SLC4A10: variants seen among roughly 807,000 people sequenced by gnomAD.
SLC4A10 encodes sodium-driven chloride bicarbonate exchanger.
SLC4A10 carries 42 observed loss-of-function variants against 137.7 expected under a neutral mutation model. That is an observed-to-expected ratio of 0.30 (90% confidence interval 0.24 to 0.39). The LOEUF (loss-of-function observed/expected upper bound fraction) is 0.39. SLC4A10 is among the 10% of genes least tolerant of loss of function. SLC4A10 has a pLI of 1.00. For missense variants in SLC4A10, 925 were observed against 1,355.0 expected (o/e 0.68, Z 4.98); for synonymous variants, 474 against 464.1 (o/e 1.02, Z -0.27).
At chr2:161,950,956 A>G (rs1694695643) in intron 19 of SLC4A10, 108 bp downstream of exon 19, 2 of 921,142 alleles carry the variant, frequency 2.2e-6, no homozygotes, top group Non-Finnish European at 3.1e-6. Context: ...AATATATAAA[A>G]TAATGTTTTT....
intron 1 of SLC4A10, among the ~76,000 whole-genome samples, chr2:161,727,995 T>A (rs1029821637): frequency 2.0e-5 from 3 of 152,080 alleles, no homozygotes; most frequent in Non-Finnish European, 4.4e-5. Context: ...GAAAAAGAAC[T>A]GACAAACTTC....
intron 2 of SLC4A10, among the ~76,000 whole-genome samples, chr2:161,797,178 T>C (rs556158160): frequency 6.6e-6 from 1 of 152,264 alleles, no homozygotes; most frequent in African/African-American, 2.4e-5. Flanking sequence ...AAATATATGC[T>C]CTATCTCATC....
intron 1 of SLC4A10, among the ~76,000 whole-genome samples, chr2:161,719,971 T>C (rs2045443190): frequency 6.6e-6 from 1 of 152,250 alleles, no homozygotes; most frequent in Non-Finnish European, 1.5e-5. Flanking sequence ...TCCTTGCCCA[T>C]GCATATGTCC....
chr2:161,763,356 C>T (rs1029828031), intron 1 of SLC4A10, among the ~76,000 whole-genome samples: 1 of 152,082 alleles, frequency 6.6e-6, no homozygotes, highest in African/African-American at 2.4e-5. Context: ...GTCAGAGTCA[C>T]AGCAAGAAAC....
intron 1 of SLC4A10, among the ~76,000 whole-genome samples, chr2:161,647,094 T>G (rs570651947): frequency 3.9e-5 from 6 of 152,148 alleles, no homozygotes; most frequent in African/African-American, 1.4e-4. Flanking sequence ...CAGGATCTTC[T>G]TAATTGAAAA....
At chr2:161,962,976 G>A (rs1187288802) in intron 21 of SLC4A10, among the ~76,000 whole-genome samples, 1 of 152,046 alleles carries the variant, frequency 6.6e-6, no homozygotes, top group East Asian at 1.9e-4. Context: ...TTTTGAAAAT[G>A]CATAATGGAT....
At chr2:161,811,317 G>C (rs527599088) in intron 3 of SLC4A10, among the ~76,000 whole-genome samples, 219 of 151,950 alleles carry the variant, frequency 1.4e-3, no homozygotes, top group African/African-American at 5.1e-3. Flanking sequence ...AACAAACTCT[G>C]TTTCATTTAT....
intron 10 of SLC4A10, among the ~76,000 whole-genome samples, chr2:161,886,004 T>A (rs543517652): frequency 2.6e-5 from 4 of 151,974 alleles, no homozygotes; most frequent in African/African-American, 9.6e-5. Flanking sequence ...GAGGGTGAGG[T>A]GGGCGGATCA....
chr2:161,896,317 C>T (rs1447875360), intron 11 of SLC4A10, among the ~76,000 whole-genome samples: 1 of 151,514 alleles, frequency 6.6e-6, no homozygotes, highest in Non-Finnish European at 1.5e-5. Context: ...GTTACTGTAG[C>T]CTTGTAGTAT....
chr2:161,653,698 C>T (rs187470288), intron 1 of SLC4A10, among the ~76,000 whole-genome samples: 62 of 152,288 alleles, frequency 4.1e-4, no homozygotes, highest in Admixed American at 2.3e-3. Flanking sequence ...CAAGGTTCAT[C>T]TATGTTGTCA....
intron 15 of SLC4A10, among the ~76,000 whole-genome samples, chr2:161,919,942 A>G (rs1283993661): frequency 6.6e-6 from 1 of 152,184 alleles, no homozygotes; most frequent in Non-Finnish European, 1.5e-5. Context: ...GGGTGCCACC[A>G]CGTTCCCCAG....
chr2:161,803,740 C>T (rs1029724382), intron 2 of SLC4A10, among the ~76,000 whole-genome samples: 2 of 152,086 alleles, frequency 1.3e-5, no homozygotes, highest in Non-Finnish European at 2.9e-5. Context: ...GTAGAGGATA[C>T]GTTCTAAGAC....
At chr2:161,969,881 C>T (rs969124667) in intron 23 of SLC4A10, among the ~76,000 whole-genome samples, 3 of 152,212 alleles carry the variant, frequency 2.0e-5, no homozygotes, top group Non-Finnish European at 4.4e-5. Flanking sequence ...AATTATTACA[C>T]AGACAAATGT....
chr2:161,921,984 G>A (rs1391148587), intron 15 of SLC4A10, among the ~76,000 whole-genome samples: 1 of 152,060 alleles, frequency 6.6e-6, no homozygotes, highest in African/African-American at 2.4e-5. Context: ...TATGGGCCAG[G>A]TGCTTGCTTA....
chr2:161,658,357 C>T (rs1453182303), intron 1 of SLC4A10, among the ~76,000 whole-genome samples: 1 of 152,128 alleles, frequency 6.6e-6, no homozygotes, highest in Non-Finnish European at 1.5e-5. Context: ...TAATAGGTTC[C>T]ACTCCAGAGT....
At chr2:161,644,633 T>G (rs745793491) in intron 1 of SLC4A10, among the ~76,000 whole-genome samples, 15 of 152,222 alleles carry the variant, frequency 9.9e-5, no homozygotes, top group Non-Finnish European at 1.5e-4. Context: ...AATTTTTTAC[T>G]TATAGCAAGG....
intron 1 of SLC4A10, among the ~76,000 whole-genome samples, chr2:161,712,952 C>T (rs187778337): frequency 6.6e-6 from 1 of 151,886 alleles, no homozygotes; most frequent in East Asian, 1.9e-4. Flanking sequence ...TAGGTCTCTG[C>T]CTTCAGGAGG....
intron 1 of SLC4A10, among the ~76,000 whole-genome samples, chr2:161,699,366 T>G (rs2042900965): frequency 6.6e-6 from 1 of 152,164 alleles, no homozygotes; most frequent in Admixed American, 6.5e-5. Flanking sequence ...GAAATTGTTC[T>G]TTTATTTACC....
At position 161,882,441 on chromosome 2, in the gene SLC4A10, T is replaced by C; in HGVS notation, c.1191T>C (p.Asp397=). ...GATCAATTGCAACCCTAATGACAGATGAGGTATTTATTCAAGTTCTTTGGG... is the reference window on the plus strand; with the variant it reads ...GATCAATTGCAACCCTAATGACAGACGAGGTATTTATTCAAGTTCTTTGGG... The part of the protein sequence containing the change: ...IGRSIATLMT[D]EVFHDVAYKA... Residue 397 remains aspartate, a synonymous_variant, in exon 10 of 27, where the codon GAT becomes GAC. Coordinates refer to ENST00000446997, the MANE Select transcript of SLC4A10 (RefSeq NM_001178015.2). 3.2e-6 allele frequency: 5 copies of C among 1,577,752 alleles called. No homozygotes were observed. The highest frequency in any genetic ancestry group is 1.2e-5 in the South Asian group (1 of 83,816).
Sources: gnomAD v4.1 joint callset for allele counts (sites outside exome capture counted in the v4.1 genomes callset) on GRCh38, gnomAD v4.1.1 for gene constraint, MANE v1.5 for transcripts, NCBI Gene and HGNC (gene_info 2026-07-23, HGNC 2026-07-21) for gene names.